JCAD: variants seen among roughly 807,000 people sequenced by gnomAD.
JCAD encodes the protein junctional cadherin 5 associated.
JCAD carries 40 observed loss-of-function variants against 98.0 expected under a neutral mutation model. That is an observed-to-expected ratio of 0.41 (90% CI 0.32 to 0.53). JCAD has a LOEUF of 0.53. JCAD is among the 20% of genes least tolerant of loss of function. The pLI is 0.31. For missense variants in JCAD, 1,705 were observed against 1,738.1 expected (o/e 0.98, Z 0.34); for synonymous variants, 691 against 682.3 (o/e 1.01, Z -0.20).
chr10:30,109,372 A>G (rs1342817093), intron 1 of JCAD, among the ~76,000 whole-genome samples: 2 of 151,842 alleles, frequency 1.3e-5, no homozygotes, highest in Non-Finnish European at 2.9e-5. Flanking sequence ...TCCTACTCCT[A>G]ATGTCCCTAT....
At chr10:30,026,065 T>G in intron 3 of JCAD, 38 bp downstream of exon 3, 1 of 1,613,038 alleles carries the variant, frequency 6.2e-7, no homozygotes, top group Middle Eastern at 1.6e-4. Flanking sequence ...AAACTCCAAA[T>G]GTATACTGAG....
At position 30,026,128 on chromosome 10, in the gene JCAD, G is replaced by A. The variant is rs1836786809; in HGVS notation, c.4020C>T (p.Ser1340=). 1 of 1,614,032 alleles carries A rather than the reference G, an allele frequency of 6.2e-7. No individual in the cohort carries two copies. Among genetic ancestry groups the A allele is most frequent in the African/African-American group, 1.3e-5 (1 of 74,936 alleles). Residue 1340 remains serine (S), a synonymous_variant, in exon 3 of 4, where the codon AGC becomes AGT. Coordinates refer to ENST00000375377, the MANE Select transcript of JCAD (RefSeq NM_020848.4). The stretch of plus-strand genomic sequence containing the variant: ...CTGGGCACCAGAAGTCTTGATCCAT[G>A]CTCTTCTCCTTTTGTGCTGCCGGAT... ...KEHPAAQKEK[S]MDQDFWCPDS...
Position 30,027,589 on chromosome 10 carries a change from GCTGCTGCTA to G in JCAD, c.2550_2558del (p.Ser857_Ser859del). The G allele has an allele frequency of 6.2e-7, 1 of 1,614,208 alleles. No individual in the cohort carries two copies. Among genetic ancestry groups the G allele is most frequent in the Non-Finnish European group, 8.5e-7 (1 of 1,180,024 alleles). On this transcript the variant is annotated inframe_deletion, in exon 3 of 4. Coordinates refer to ENST00000375377, the MANE Select transcript of JCAD (RefSeq NM_020848.4). ...TCTCCTCACTGCTGCTGCTGCTGCT[GCTGCTGCTA>G]CTGCTGCTTTCTTCCTCTTCCTGGA...
At chr10:30,023,046 G>GT (rs983725397) in intron 3 of JCAD, among the ~76,000 whole-genome samples, 3 of 151,140 alleles carry the variant, frequency 2.0e-5, no homozygotes, top group Admixed American at 6.6e-5. Flanking sequence ...TTTTCTTTTT[G>GT]TTTTTTTGGA....
At chr10:30,074,378 CA>C (rs1837944949) in intron 1 of JCAD, among the ~76,000 whole-genome samples, 1 of 152,222 alleles carries the variant, frequency 6.6e-6, no homozygotes, top group African/African-American at 2.4e-5. Flanking sequence ...GCCAAATCCT[CA>C]GCCAACCTGG....
At chr10:30,030,284 A>G (rs574497196) in intron 2 of JCAD, among the ~76,000 whole-genome samples, 1 of 152,178 alleles carries the variant, frequency 6.6e-6, no homozygotes, top group Non-Finnish European at 1.5e-5. Flanking sequence ...TCTCTACACA[A>G]AATTTAAAAA....
chr10:30,039,074 C>T (rs1329144802), intron 2 of JCAD, among the ~76,000 whole-genome samples: 2 of 152,260 alleles, frequency 1.3e-5, no homozygotes, highest in African/African-American at 4.8e-5. Context: ...CAAGGACGCA[C>T]TGATGCCTTC....
intron 1 of JCAD, among the ~76,000 whole-genome samples, chr10:30,056,737 T>G (rs1837576640): frequency 6.6e-6 from 1 of 152,218 alleles, no homozygotes; most frequent in South Asian, 2.1e-4. Context: ...AGAAAGTTGT[T>G]GGGAAAGATA....
In JCAD at chr10:30,029,228, C is replaced by A. The variant is rs778946679; in HGVS notation, c.920G>T (p.Gly307Val). ...SYSSHQQSRGGADSSDSQDSQ... is the reference protein window; with the variant it reads ...SYSSHQQSRGVADSSDSQDSQ... Reference sequence around the variant, plus strand: ...GTCCTGAGAGTCACTGCTGTCCGCTCCTCCCCTAGACTGCTGGTGCGAGCT... The same window carrying A: ...GTCCTGAGAGTCACTGCTGTCCGCTACTCCCCTAGACTGCTGGTGCGAGCT... The change falls in exon 3 of 4, where the codon GGA (glycine) becomes GTA (valine). Residue 307 changes from glycine to valine, a missense_variant. By Grantham distance (109) the Gly-to-Val change is moderately radical. Around this residue, in one of 3 missense-constraint regions of JCAD, gnomAD observed 275 missense variants for 346.9 expected, o/e 0.79. Coordinates refer to ENST00000375377, the MANE Select transcript of JCAD (RefSeq NM_020848.4). 43 of 1,614,030 alleles carry A rather than the reference C, an allele frequency of 2.7e-5. No homozygotes were observed. In the South Asian group the frequency reaches 4.6e-4, roughly 17 times the overall value.
chr10:30,080,039 G>T (rs1838055151), intron 1 of JCAD, among the ~76,000 whole-genome samples: 1 of 152,082 alleles, frequency 6.6e-6, no homozygotes, highest in Non-Finnish European at 1.5e-5. Context: ...TTTCCTTACT[G>T]AGCTACCTGA....
intron 1 of JCAD, among the ~76,000 whole-genome samples, chr10:30,092,064 A>AAAAATAT (rs1554802503): frequency 1.6e-4 from 3 of 19,032 alleles, no homozygotes; most frequent in East Asian, 2.3e-3. Context: ...AAAAAAAAAA[A>AAAAATAT]ATATATATAT....
At chr10:30,099,356 A>T (rs1331252616) in intron 1 of JCAD, among the ~76,000 whole-genome samples, 1 of 152,188 alleles carries the variant, frequency 6.6e-6, no homozygotes, top group Non-Finnish European at 1.5e-5. Context: ...CCCTAAATCC[A>T]ATCAAGTCAT....
chr10:30,035,601 A>G (rs1218139451), intron 2 of JCAD, among the ~76,000 whole-genome samples: 1 of 152,262 alleles, frequency 6.6e-6, no homozygotes, highest in African/African-American at 2.4e-5. Context: ...TAAAATGTGT[A>G]CTGCTGCATA....
At chr10:30,081,042 C>A (rs1469886195) in intron 1 of JCAD, among the ~76,000 whole-genome samples, 1 of 152,180 alleles carries the variant, frequency 6.6e-6, no homozygotes, top group Non-Finnish European at 1.5e-5. Flanking sequence ...CACTAAAGAA[C>A]AATGGAACAT....
chr10:30,013,366 A>G lies in JCAD; in HGVS notation c.*4517T>C, dbSNP rs1165484383. The stretch of plus-strand genomic sequence containing the variant: ...CAAGGCCTTGTCTTCACTAAATTTT[A>G]GAAGTCCCCCCGAGATGTTTCTGCT... On this transcript the variant is annotated 3_prime_UTR_variant, in exon 4 of 4. Coordinates refer to ENST00000375377, the MANE Select transcript of JCAD (RefSeq NM_020848.4). The G allele has an allele frequency of 6.6e-6, 1 of 152,150 alleles. No individual in the cohort carries two copies. Among genetic ancestry groups the G allele is most frequent in the Non-Finnish European group, 1.5e-5 (1 of 68,032 alleles). 9.4% of individuals were successfully genotyped at this position (152,150 alleles called of 1,614,324 possible).
At chr10:30,087,778 A>G (rs780647604) in intron 1 of JCAD, among the ~76,000 whole-genome samples, 2 of 152,226 alleles carry the variant, frequency 1.3e-5, no homozygotes, top group African/African-American at 4.8e-5. Flanking sequence ...AGTGGGTATT[A>G]CTTTTTCATT....
chr10:30,054,630 C>A (rs1837530729), intron 1 of JCAD, among the ~76,000 whole-genome samples: 1 of 151,472 alleles, frequency 6.6e-6, no homozygotes, highest in South Asian at 2.1e-4. Context: ...CAGAAAAAAA[C>A]TTTCATAAAT....
In JCAD at chr10:30,026,293, G is replaced by A. The variant is rs117029734; in HGVS notation, c.3855C>T (p.Ala1285=). 10,180 of 1,613,906 alleles carry A rather than the reference G, an allele frequency of 6.3e-3. 48 individuals carry two copies. The highest frequency in any genetic ancestry group is 7.8e-3 in the Non-Finnish European group (9,246 of 1,180,020). The change falls in exon 3 of 4, where the codon GCC becomes GCT. Residue 1285 remains alanine, a synonymous_variant. Transcript: ENST00000375377. ...CCCTTGTGGTGGCCTTCAATTCCTC[G>A]GCGTCCTCCTGGGAGTCGGCATTCC... ...SFRNADSQED[A]EELKATTRGQ... is the part of the protein sequence containing the mutation.
At position 30,029,122 on chromosome 10, in the gene JCAD, A is replaced by G. The variant is rs530452388; in HGVS notation, c.1026T>C (p.Pro342=). ...DPGLEPPVYV[P]PPSYRSPPQN... The stretch of plus-strand genomic sequence containing the variant: ...GCGGGGGCGATCTGTATGAGGGCGG[A>G]GGCACGTACACTGGAGGTTCCAATC... The change falls in exon 3 of 4, where the codon CCT becomes CCC. Residue 342 remains proline, a synonymous_variant. Transcript: ENST00000375377. The G allele has an allele frequency of 5.0e-6, 8 of 1,614,076 alleles. No homozygotes were observed. The East Asian group carries it at 1.3e-4, about 27-fold the overall frequency.
Sources: allele counts gnomAD v4.1 joint callset (sites outside exome capture counted in the v4.1 genomes callset), GRCh38; gene constraint gnomAD v4.1.1; regional missense constraint gnomAD v4.1.1; transcripts MANE v1.5; gene names NCBI Gene and HGNC (gene_info 2026-07-23, HGNC 2026-07-21).